LRRC56: variants seen among roughly 807,000 people sequenced by gnomAD.
LRRC56 encodes leucine-rich repeat-containing protein 56.
Under a neutral mutation model 47.8 loss-of-function variants are expected in LRRC56, and 41 were observed. The ratio of observed to expected loss-of-function variants is 0.86; its 90% CI spans 0.67 to 1.11. The LOEUF is 1.11. Among genes scored for constraint, LRRC56 ranks in the 50% most tolerant of loss-of-function variants. The pLI, the probability that LRRC56 is intolerant of heterozygous loss-of-function variation, is 0.00. For synonymous variants in LRRC56, 387 were observed against 311.2 expected (o/e 1.24, Z -2.56); for missense variants, 759 against 704.2 (o/e 1.08, Z -0.88).
rs138291757 is a variant in LRRC56 at position 551,161 on chromosome 11, G to A, written c.655G>A (p.Val219Met). The change falls in exon 9 of 14, where the codon GTG becomes ATG. Residue 219 changes from valine to methionine, a missense_variant. Physicochemically the swap from Val to Met is conservative, Grantham distance 21. Transcript: ENST00000270115. ...VPRGYNYRAE[V>M]RKLIPQLQVL... ...CAGGGGCTACAACTACAGGGCAGAG[G>A]TGAGGAAGCTCATTCCCCAGCTGCA... 12,196 of 1,540,756 alleles carry A rather than the reference G, an allele frequency of 7.9e-3. 63 individuals carry two copies. The highest frequency in any genetic ancestry group is 0.012 in the Admixed American group (611 of 50,516).
chr11:542,594 A>AAC (rs1554887951), intron 5 of LRRC56, among the ~76,000 whole-genome samples: 9 of 149,460 alleles, frequency 6.0e-5, no homozygotes, highest in South Asian at 2.1e-4. Context: ...AAAAAAAAAA[A>AAC]AAAAAAAAAA....
chr11:548,356 C>A (rs1476719687), intron 6 of LRRC56, among the ~76,000 whole-genome samples: 3 of 152,214 alleles, frequency 2.0e-5, no homozygotes, highest in Admixed American at 1.3e-4. Context: ...CCATGGCTTA[C>A]AATAGCCTCG....
At chr11:516,741 G>T in the LRRC56 span, among the ~76,000 whole-genome samples, 1 of 152,202 alleles carries the variant, frequency 6.6e-6, no homozygotes, top group Non-Finnish European at 1.5e-5. Flanking sequence ...GTGAGACCTG[G>T]TCTCTAAATA....
chr11:548,932 A>C (rs1286672800), intron 6 of LRRC56, among the ~76,000 whole-genome samples: 18 of 152,230 alleles, frequency 1.2e-4, no homozygotes, highest in Admixed American at 1.2e-3. Context: ...TCAGAGATCA[A>C]GGGGTTTCCA....
the LRRC56 span, among the ~76,000 whole-genome samples, chr11:531,870 G>C: frequency 5.9e-5 from 9 of 152,318 alleles, no homozygotes; most frequent in East Asian, 1.2e-3. Flanking sequence ...TTCACGCTGG[G>C]AGCAAGTCAG....
chr11:529,210 CT>C, the LRRC56 span: 1 of 152,392 alleles, frequency 6.6e-6, no homozygotes, highest in African/African-American at 2.4e-5. Flanking sequence ...TGGCTGTGCT[CT>C]CCAGCCCTGT....
At position 554,262 on chromosome 11, in the gene LRRC56, C is replaced by A. The variant is rs201013443; in HGVS notation, c.1615C>A (p.Pro539Thr). The A allele has an allele frequency of 6.8e-5, 101 of 1,494,108 alleles. No individual in the cohort carries two copies. The highest frequency in any genetic ancestry group is 8.9e-7 in the Non-Finnish European group (1 of 1,126,152). The allele number at this position is 1,494,108 out of a possible 1,614,324, so 92.6% of individuals were successfully genotyped here. ...PRAAELSHPS[P>T]VPT ...GGCAGCTGAACTCTCTCACCCCAGC[C>A]CCGTCCCCACTTAATATAGCCCCCA... Residue 539 changes from proline (P) to threonine (T), a missense_variant, in exon 14 of 14, where the codon CCC becomes ACC. By Grantham distance (38) the Pro-to-Thr change is conservative. Coordinates refer to ENST00000270115, the MANE Select transcript of LRRC56 (RefSeq NM_198075.4).
chr11:554,370 G>C lies in LRRC56; in HGVS notation c.*94G>C. On this transcript the variant is annotated 3_prime_UTR_variant, in exon 14 of 14. Transcript: ENST00000270115. Reference sequence around the variant, plus strand: ...CAGAATACCTGGGCGGGTGTGTTGGGGGGTGGAAGGAGTGCCTGGCCCTGG... The same window carrying C: ...CAGAATACCTGGGCGGGTGTGTTGGCGGGTGGAAGGAGTGCCTGGCCCTGG... 1 of 1,173,312 alleles carries C rather than the reference G, an allele frequency of 8.5e-7. No individual in the cohort carries two copies. 72.7% of individuals were successfully genotyped at this position (1,173,312 alleles called of 1,614,324 possible). A position where few individuals can be genotyped will look rare whatever the true frequency, so the allele number is the denominator to read the frequency against.
chr11:541,953 C>T lies in LRRC56; in HGVS notation c.265+329C>T, dbSNP rs1477454252. Among the ~76,000 whole-genome samples the T allele has an allele frequency of 1.4e-4, 1 of 7,272 alleles. No individual in the cohort carries two copies. The highest frequency in any genetic ancestry group is 4.0e-3 in the South Asian group (1 of 252). The allele number at this position is 7,272 out of a possible 152,430, so 4.8% of individuals were successfully genotyped here. A position where few individuals can be genotyped will look rare whatever the true frequency, so the allele number is the denominator to read the frequency against. On this transcript the variant is annotated intron_variant, in intron 5 of 13. Coordinates refer to ENST00000270115, the MANE Select transcript of LRRC56 (RefSeq NM_198075.4). This position sits in a 1 kb window ranked among gnomAD's most constrained non-coding sequence, Gnocchi z 4.1. The stretch of plus-strand genomic sequence containing the variant: ...CACACCCACGCCAGTACCCCCGGCA[C>T]GCTCAGTACCCCACACACCCACGCC...
chr11:540,583 CG>C, intron 3 of LRRC56, 90 bp from the exon 4 acceptor site: 3 of 985,364 alleles, frequency 3.0e-6, no homozygotes, highest in Non-Finnish European at 4.2e-6. Context: ...GTGACGGGGG[CG>C]GGGGGTTGAG....
At chr11:527,364 T>G in the LRRC56 span, among the ~76,000 whole-genome samples, 12 of 152,110 alleles carry the variant, frequency 7.9e-5, no homozygotes, top group African/African-American at 2.9e-4. Context: ...CGCAGTGAAC[T>G]CTGGGACTCA....
At chr11:533,437 T>C (rs754589455), upstream of LRRC56, 36 of 1,610,014 alleles carry the variant, frequency 2.2e-5, no homozygotes, top group Non-Finnish European at 3.0e-5. Flanking sequence ...AGCTGTGGGG[T>C]GGAGAGCTGC....
chr11:532,486 C>T, the LRRC56 span: 1 of 1,078,896 alleles, frequency 9.3e-7, no homozygotes, highest in Non-Finnish European at 1.3e-6. Flanking sequence ...TCTGCACCTC[C>T]TTCCTGCATC....
the LRRC56 span, among the ~76,000 whole-genome samples, chr11:513,741 G>T: frequency 6.7e-6 from 1 of 149,628 alleles, no homozygotes; most frequent in Non-Finnish European, 1.5e-5. Context: ...AGAATCACTT[G>T]AACCCAGGAG....
At chr11:553,496 G>A (rs1163727907) in intron 13 of LRRC56, among the ~76,000 whole-genome samples, 1 of 152,190 alleles carries the variant, frequency 6.6e-6, no homozygotes, top group East Asian at 1.9e-4. Flanking sequence ...GGGAGGGCAG[G>A]CAGGGCGGCC....
chr11:531,065 G>A, the LRRC56 span, among the ~76,000 whole-genome samples: 13 of 123,962 alleles, frequency 1.0e-4, no homozygotes, highest in East Asian at 2.1e-3. Context: ...AGAAGGGCGA[G>A]TGTGGCGTCC....
chr11:544,202 T>C (rs1325679508), intron 5 of LRRC56, among the ~76,000 whole-genome samples: 1 of 152,082 alleles, frequency 6.6e-6, no homozygotes, highest in African/African-American at 2.4e-5. Context: ...TCCTGTGTTG[T>C]GTGTGGGACT....
the LRRC56 span, chr11:532,478 TGCACCTCCTTCCTGCATCCG>T: frequency 1.0e-6 from 1 of 988,544 alleles, no homozygotes; most frequent in Non-Finnish European, 1.5e-6. Context: ...TCCTTCCGTC[TGCACCTCCTTCCTGCATCCG>T]GCACCTCCAT....
In LRRC56 at chr11:540,709, C is replaced by A. The variant is rs142967139; in HGVS notation, c.25C>A (p.Arg9Ser). ...AATGGATCTGGGCTGGGACAGATCC[C>A]GTGGGCCTCGGCGGAGCACCTCCAG... MDLGWDRS[R>S]GPRRSTSSVR... Residue 9 changes from arginine to serine, a missense_variant, in exon 4 of 14, where the codon CGT (arginine) becomes AGT (serine). Coordinates refer to ENST00000270115, the MANE Select transcript of LRRC56 (RefSeq NM_198075.4). 227 of 1,612,702 alleles carry A rather than the reference C, an allele frequency of 1.4e-4. No homozygotes were observed. The East Asian group carries it at 1.5e-3, about 10-fold the overall frequency.
Sources: allele counts gnomAD v4.1 joint callset (sites outside exome capture counted in the v4.1 genomes callset), GRCh38; gene constraint gnomAD v4.1.1; non-coding constraint Gnocchi (gnomAD v3.1); transcripts MANE v1.5; gene names NCBI Gene and HGNC (gene_info 2026-07-23, HGNC 2026-07-21).